The following PAK5 variants were observed in gnomAD, a reference collection of about 807,000 sequenced individuals.
The protein encoded by PAK5 is serine/threonine-protein kinase PAK 5.
Under a neutral mutation model 65.9 loss-of-function variants are expected in PAK5, and 16 were observed. That is an observed-to-expected ratio of 0.24 (90% CI 0.16 to 0.37). The LOEUF (loss-of-function observed/expected upper bound fraction) is 0.37. PAK5 is among the 10% of genes least tolerant of loss of function. The probability of loss-of-function intolerance (pLI) is 1.00; values close to 1 mark genes in which losing one functional copy is unlikely to be tolerated. For synonymous variants in PAK5, 371 were observed against 354.9 expected, an observed-to-expected ratio of 1.05 and a Z score of -0.51; for missense variants, 785 against 903.9, an observed-to-expected ratio of 0.87 and a Z score of 1.69.
intron 1 of PAK5, among the ~76,000 whole-genome samples, chr20:9,836,515 A>C (rs1343559798): frequency 2.0e-5 from 3 of 152,208 alleles, no homozygotes; most frequent in African/African-American, 7.2e-5. Context: ...CAGAAGCTGG[A>C]AAAGGCAAGC....
chr20:9,809,352 T>G (rs75229936), intron 1 of PAK5, among the ~76,000 whole-genome samples: 1 of 150,850 alleles, frequency 6.6e-6, no homozygotes, highest in Non-Finnish European at 1.5e-5. Flanking sequence ...TTTTTTTTTT[T>G]GGCAGGCTCA....
chr20:9,558,986 G>A (rs968032523), intron 6 of PAK5, among the ~76,000 whole-genome samples: 1 of 152,054 alleles, frequency 6.6e-6, no homozygotes, highest in Admixed American at 6.5e-5. Flanking sequence ...AGTCCAGAAC[G>A]CACGCTTTCC....
At chr20:9,661,390 G>A (rs533201226) in intron 2 of PAK5, among the ~76,000 whole-genome samples, 1 of 152,196 alleles carries the variant, frequency 6.6e-6, no homozygotes, top group Non-Finnish European at 1.5e-5. Flanking sequence ...CTAAGATCCA[G>A]ACCCACCAAG....
At chr20:9,769,607 A>C (rs1184397279) in intron 1 of PAK5, among the ~76,000 whole-genome samples, 1 of 152,252 alleles carries the variant, frequency 6.6e-6, no homozygotes, top group Non-Finnish European at 1.5e-5. Flanking sequence ...AGAGATTTAA[A>C]AGAACAAATG....
At chr20:9,809,914 G>A (rs1158948479) in intron 1 of PAK5, among the ~76,000 whole-genome samples, 1 of 152,118 alleles carries the variant, frequency 6.6e-6, no homozygotes, top group East Asian at 1.9e-4. Context: ...GGAAGACTCT[G>A]GCCATAGGAT....
intron 4 of PAK5, among the ~76,000 whole-genome samples, chr20:9,574,670 G>A (rs572388240): frequency 6.6e-6 from 1 of 152,304 alleles, no homozygotes; most frequent in South Asian, 2.1e-4. Flanking sequence ...GCATTCATGG[G>A]AAGAAGTGTC....
intron 2 of PAK5, among the ~76,000 whole-genome samples, chr20:9,663,136 G>A (rs2047369096): frequency 6.6e-6 from 1 of 152,118 alleles, no homozygotes; most frequent in South Asian, 2.1e-4. Flanking sequence ...ATTAAGTTTT[G>A]CTCCTTTAAA....
intron 7 of PAK5, among the ~76,000 whole-genome samples, chr20:9,557,022 T>C (rs750205902): frequency 2.6e-5 from 4 of 152,144 alleles, no homozygotes; most frequent in Non-Finnish European, 5.9e-5. Context: ...CCGAAATCTA[T>C]AGCAATCTCC....
intron 2 of PAK5, among the ~76,000 whole-genome samples, chr20:9,691,132 A>G (rs1196864488): frequency 6.6e-6 from 1 of 152,156 alleles, no homozygotes; most frequent in Non-Finnish European, 1.5e-5. Context: ...CAGGGCAACA[A>G]CATCTGTGCA....
At chr20:9,567,351 C>A (rs2045700325) in intron 4 of PAK5, among the ~76,000 whole-genome samples, 1 of 152,168 alleles carries the variant, frequency 6.6e-6, no homozygotes, top group Non-Finnish European at 1.5e-5. Context: ...AATGGAATGG[C>A]ATTAACTTAT....
intron 3 of PAK5, among the ~76,000 whole-genome samples, chr20:9,622,839 C>T (rs12481024): frequency 0.36 from 55,130 of 151,980 alleles, 11,880 homozygotes; most frequent in South Asian, 0.63. Context: ...GTCCCTGGTG[C>T]CAAAAAGGTT....
intron 3 of PAK5, among the ~76,000 whole-genome samples, chr20:9,604,181 T>C (rs6056745): frequency 0.26 from 40,267 of 152,076 alleles, 7,187 homozygotes; most frequent in East Asian, 0.51. Context: ...CAATGACAAA[T>C]ATCAGAGCCC....
intron 2 of PAK5, among the ~76,000 whole-genome samples, chr20:9,670,506 A>C (rs1169908496): frequency 6.6e-6 from 1 of 152,094 alleles, no homozygotes; most frequent in African/African-American, 2.4e-5. Context: ...TTTGATTAGC[A>C]TTTCTCTGAT....
At chr20:9,596,253 T>C (rs1421603284) in intron 3 of PAK5, among the ~76,000 whole-genome samples, 1 of 152,176 alleles carries the variant, frequency 6.6e-6, no homozygotes, top group Non-Finnish European at 1.5e-5. Context: ...TAGGGTCTTC[T>C]GAAGGCTGTT....
At chr20:9,769,414 T>C (rs1357068791) in intron 1 of PAK5, among the ~76,000 whole-genome samples, 4 of 152,368 alleles carry the variant, frequency 2.6e-5, no homozygotes, top group South Asian at 4.1e-4. Context: ...CAGGTGTCTC[T>C]GTGACATGCT....
chr20:9,668,619 G>A (rs2047451286), intron 2 of PAK5, among the ~76,000 whole-genome samples: 1 of 152,190 alleles, frequency 6.6e-6, no homozygotes, highest in Non-Finnish European at 1.5e-5. Context: ...TTTTACGAGA[G>A]CATAACACTG....
At chr20:9,752,426 T>C (rs772038919) in intron 1 of PAK5, among the ~76,000 whole-genome samples, 2 of 152,058 alleles carry the variant, frequency 1.3e-5, no homozygotes, top group African/African-American at 2.4e-5. Flanking sequence ...GGATTAGGGA[T>C]GGCCAAGAGT....
intron 2 of PAK5, among the ~76,000 whole-genome samples, chr20:9,650,637 G>A (rs542909251): frequency 2.2e-4 from 34 of 152,126 alleles, no homozygotes; most frequent in African/African-American, 7.9e-4. Flanking sequence ...TAGTTTGTGG[G>A]TATTCCTACA....
chr20:9,540,737 C>CTTTTTTTTTTTT (rs1168963029), intron 9 of PAK5, among the ~76,000 whole-genome samples: 1 of 138,256 alleles, frequency 7.2e-6, no homozygotes, highest in African/African-American at 2.6e-5. Flanking sequence ...TTTTTAGTCA[C>CTTTTTTTTTTTT]TTTTTTTTTT....
Sources: allele counts gnomAD v4.1 joint callset (sites outside exome capture counted in the v4.1 genomes callset), GRCh38; gene constraint gnomAD v4.1.1; transcripts MANE v1.5; gene names NCBI Gene and HGNC (gene_info 2026-07-23, HGNC 2026-07-21).